Variants in PDE4D observed in about 807,000 individuals in gnomAD.
PDE4D encodes phosphodiesterase 4D, also known as 3',5'-cyclic-AMP phosphodiesterase 4D.
A neutral mutation model predicts 87.4 loss-of-function variants in PDE4D; 24 were observed. The ratio of observed to expected loss-of-function variants is 0.27; its 90% confidence interval spans 0.20 to 0.39. The LOEUF is 0.39. PDE4D is among the 10% of genes least tolerant of loss of function. The pLI is 1.00. For synonymous variants in PDE4D, 384 were observed against 383.2 expected, an observed-to-expected ratio of 1.00 and a Z score of -0.02; for missense variants, 714 against 1,041.0, an observed-to-expected ratio of 0.69 and a Z score of 4.32.
chr5:59,616,915 T>TTATATATATATATATATATA (rs1561333178), intron 1 of PDE4D, among the ~76,000 whole-genome samples: 1 of 12,286 alleles, frequency 8.1e-5, no homozygotes, highest in African/African-American at 2.3e-4. Context: ...GACCTAATAA[T>TTATATATATATATATATATA]TACATATATA....
At position 60,221,887 on chromosome 5, in the gene PDE4D, TA is replaced by T. The variant is rs1303225106; in HGVS notation, c.-89-36201del. Among the ~76,000 whole-genome samples, 4 of 152,122 alleles carry T rather than the reference TA, an allele frequency of 2.6e-5. No individual in the cohort carries two copies. In the East Asian group the frequency reaches 7.7e-4, roughly 29 times the overall value. ...TGTTACCTAGTTTGGCTATTATAAA[TA>T]AAGCTGCTATGAACATTCTTGTACA... On this transcript the variant is annotated intron_variant, in intron 1 of 16. Transcript: ENST00000502484.
intron 1 of PDE4D, among the ~76,000 whole-genome samples, chr5:60,194,391 C>G (rs571154832): frequency 6.6e-6 from 1 of 151,734 alleles, no homozygotes; most frequent in South Asian, 2.1e-4. Context: ...TGCTCAACTT[C>G]TTGCTACTTC....
chr5:60,369,362 G>A (rs576863929), intron 1 of PDE4D, among the ~76,000 whole-genome samples: 34 of 152,208 alleles, frequency 2.2e-4, no homozygotes, highest in African/African-American at 7.7e-4. Context: ...TAGCAGAGAG[G>A]ACATTTTGAT....
chr5:59,568,431 T>C (rs1272956824), intron 1 of PDE4D, among the ~76,000 whole-genome samples: 2 of 152,150 alleles, frequency 1.3e-5, no homozygotes, highest in Non-Finnish European at 2.9e-5. Context: ...TTCAAGGAGA[T>C]GGAGTATAAC....
chr5:59,532,728 C>T (rs910300631), intron 1 of PDE4D, among the ~76,000 whole-genome samples: 1 of 152,192 alleles, frequency 6.6e-6, no homozygotes, highest in Non-Finnish European at 1.5e-5. Context: ...AAACCCCATT[C>T]AAGATGCTGA....
intron 2 of PDE4D, among the ~76,000 whole-genome samples, chr5:60,011,928 C>T (rs1275064253): frequency 1.3e-5 from 2 of 152,112 alleles, no homozygotes; most frequent in African/African-American, 4.8e-5. Context: ...CTCTCATAGA[C>T]ATTAAAAATC....
At chr5:59,348,019 T>C (rs1779888985) in intron 1 of PDE4D, among the ~76,000 whole-genome samples, 12 of 152,162 alleles carry the variant, frequency 7.9e-5, no homozygotes, top group Admixed American at 7.9e-4. Flanking sequence ...TGTTAACTTG[T>C]TTATTTTCTG....
At chr5:60,304,501 C>T (rs1001105737) in intron 1 of PDE4D, among the ~76,000 whole-genome samples, 15 of 151,072 alleles carry the variant, frequency 9.9e-5, no homozygotes, top group Non-Finnish European at 1.8e-4. Context: ...AAAAATTAGC[C>T]GGGCGCGGTG....
At chr5:60,111,129 T>C (rs1777632157) in intron 2 of PDE4D, among the ~76,000 whole-genome samples, 2 of 151,998 alleles carry the variant, frequency 1.3e-5, no homozygotes, top group South Asian at 4.1e-4. Context: ...TAATCCATTG[T>C]GTATTTTCAA....
intron 1 of PDE4D, among the ~76,000 whole-genome samples, chr5:59,603,718 A>G (rs1827817963): frequency 6.6e-6 from 1 of 151,980 alleles, no homozygotes; most frequent in African/African-American, 2.4e-5. Context: ...ATAGAACTAG[A>G]GATTAGAATG....
At chr5:59,792,540 G>A (rs917478973) in intron 1 of PDE4D, among the ~76,000 whole-genome samples, 9 of 151,958 alleles carry the variant, frequency 5.9e-5, no homozygotes, top group African/African-American at 1.7e-4. Context: ...GATGTATTTG[G>A]GGGATTATGG....
intron 1 of PDE4D, among the ~76,000 whole-genome samples, chr5:59,521,876 C>T (rs920971537): frequency 1.3e-5 from 2 of 152,110 alleles, no homozygotes; most frequent in Admixed American, 6.5e-5. Flanking sequence ...ATGGTAAACA[C>T]TTAATATTTG....
At chr5:60,122,457 T>C (rs1255294850) in intron 2 of PDE4D, among the ~76,000 whole-genome samples, 1 of 152,272 alleles carries the variant, frequency 6.6e-6, no homozygotes, top group Non-Finnish European at 1.5e-5. Context: ...TCTTGACTTC[T>C]GTGCATCTGC....
intron 5 of PDE4D, among the ~76,000 whole-genome samples, chr5:59,054,960 A>G (rs1451168894): frequency 6.6e-6 from 1 of 152,178 alleles, no homozygotes; most frequent in African/African-American, 2.4e-5. Flanking sequence ...ACATAAAAAG[A>G]TTTCAGTTAA....
chr5:59,452,349 C>T (rs1799295357), intron 1 of PDE4D, among the ~76,000 whole-genome samples: 3 of 152,190 alleles, frequency 2.0e-5, no homozygotes, highest in Admixed American at 2.0e-4. Flanking sequence ...ACACTCTATG[C>T]ATTTTAAAAG....
chr5:59,369,374 T>C (rs925667530), intron 1 of PDE4D, among the ~76,000 whole-genome samples: 3 of 152,264 alleles, frequency 2.0e-5, no homozygotes, highest in East Asian at 1.9e-4. Context: ...TTCTTGGAGA[T>C]TGACATATGG....
At chr5:59,843,347 A>G (rs1743329554) in intron 1 of PDE4D, among the ~76,000 whole-genome samples, 1 of 151,998 alleles carries the variant, frequency 6.6e-6, no homozygotes, top group Admixed American at 6.6e-5. Context: ...GGAGCAAGAG[A>G]GAGGAAATAC....
intron 1 of PDE4D, among the ~76,000 whole-genome samples, chr5:59,228,854 T>C (rs1754462957): frequency 6.6e-6 from 1 of 152,160 alleles, no homozygotes; most frequent in Non-Finnish European, 1.5e-5. Context: ...CTTGAAGCAC[T>C]GTGCATACTC....
intron 1 of PDE4D, among the ~76,000 whole-genome samples, chr5:60,451,040 G>C (rs1746057853): frequency 6.6e-6 from 1 of 152,048 alleles, no homozygotes; most frequent in African/African-American, 2.4e-5. Context: ...TAAAGATAGT[G>C]CTCTGCATTA....
Sources: allele counts gnomAD v4.1 joint callset (sites outside exome capture counted in the v4.1 genomes callset), GRCh38; gene constraint gnomAD v4.1.1; transcripts MANE v1.5; gene names NCBI Gene and HGNC (gene_info 2026-07-23, HGNC 2026-07-21).